KPNA3: variants seen among roughly 807,000 people sequenced by gnomAD.
The protein encoded by KPNA3 is importin subunit alpha-4.
Under a neutral mutation model 73.8 loss-of-function variants are expected in KPNA3, and 13 were observed. The observed-to-expected ratio is 0.18, with a 90% CI of 0.11 to 0.28. The LOEUF is 0.28. KPNA3 is among the 10% of genes least tolerant of loss of function. The pLI, the probability that KPNA3 is intolerant of heterozygous loss-of-function variation, is 1.00. For synonymous variants in KPNA3, 186 were observed against 206.9 expected (o/e 0.90, Z 0.87); for missense variants, 360 against 618.1 (o/e 0.58, Z 4.43).
At chr13:49,770,629 TTTC>T (rs1472473779) in intron 1 of KPNA3, among the ~76,000 whole-genome samples, 3 of 152,104 alleles carry the variant, frequency 2.0e-5, no homozygotes, top group African/African-American at 7.2e-5. Flanking sequence ...ACACAGATGT[TTTC>T]TTCTGAGAAG....
rs1053153815 is a variant in KPNA3 at position 49,772,378 on chromosome 13, T to G, written c.69+20060A>C. ...ACCATAATAAGACATCTCTACACAC[T>G]TGGTAAAATAATGAAAATTTAAAAG... On this transcript the variant is annotated intron_variant, in intron 1 of 16. Transcript: ENST00000261667. Among the ~76,000 whole-genome samples the G allele has an allele frequency of 5.3e-5, 8 of 152,160 alleles. No individual in the cohort carries two copies. In the East Asian group the frequency reaches 1.5e-3, roughly 29 times the overall value.
chr13:49,790,824 C>G (rs1346818807), intron 1 of KPNA3, among the ~76,000 whole-genome samples: 1 of 152,170 alleles, frequency 6.6e-6, no homozygotes, highest in Non-Finnish European at 1.5e-5. Context: ...GTACCAATAT[C>G]CGAGAGAAGA....
chr13:49,787,426 C>T (rs760664090), intron 1 of KPNA3, among the ~76,000 whole-genome samples: 1 of 152,210 alleles, frequency 6.6e-6, no homozygotes, highest in Admixed American at 6.5e-5. Flanking sequence ...AACTTTCAGG[C>T]GTGGTTTGTA....
At chr13:49,769,406 A>G (rs1005546886) in intron 1 of KPNA3, among the ~76,000 whole-genome samples, 1 of 152,162 alleles carries the variant, frequency 6.6e-6, no homozygotes, top group Non-Finnish European at 1.5e-5. Context: ...CATCACCACA[A>G]AAAGAAATCA....
intron 1 of KPNA3, among the ~76,000 whole-genome samples, chr13:49,783,108 T>C (rs1028413143): frequency 6.6e-6 from 1 of 152,036 alleles, no homozygotes; most frequent in Admixed American, 6.6e-5. Flanking sequence ...AGGCATCACT[T>C]ATGTAAAAGC....
At chr13:49,716,628 G>A (rs1176649630) in intron 10 of KPNA3, among the ~76,000 whole-genome samples, 2 of 151,858 alleles carry the variant, frequency 1.3e-5, no homozygotes, top group Non-Finnish European at 2.9e-5. Context: ...TAGTAGAGAC[G>A]GGGTTTTGCT....
chr13:49,756,956 C>T (rs541719611), intron 1 of KPNA3, among the ~76,000 whole-genome samples: 24 of 152,222 alleles, frequency 1.6e-4, no homozygotes, highest in African/African-American at 5.8e-4. Flanking sequence ...TGGAGGACAT[C>T]AATAGACTTT....
At chr13:49,739,209 C>A (rs9316474) in intron 2 of KPNA3, among the ~76,000 whole-genome samples, 128,570 of 152,136 alleles carry the variant, frequency 0.85, 54,570 homozygotes, top group East Asian at 1. Context: ...TCCAAATCTA[C>A]TGAAAATAAG....
chr13:49,747,484 A>C (rs939036494), intron 1 of KPNA3, among the ~76,000 whole-genome samples: 38 of 152,190 alleles, frequency 2.5e-4, no homozygotes, highest in African/African-American at 8.9e-4. Flanking sequence ...CAGGAGTTCG[A>C]GATCAGCCTG....
At chr13:49,741,696 C>T (rs922971291) in intron 2 of KPNA3, among the ~76,000 whole-genome samples, 11 of 152,152 alleles carry the variant, frequency 7.2e-5, no homozygotes, top group African/African-American at 2.4e-4. Flanking sequence ...CCTTGTGATC[C>T]GCCCGCCTCG....
chr13:49,760,255 C>CA (rs1954747819), intron 1 of KPNA3, among the ~76,000 whole-genome samples: 1 of 151,618 alleles, frequency 6.6e-6, no homozygotes, highest in African/African-American at 2.4e-5. Flanking sequence ...ACCAAAAATA[C>CA]AAAAAACAAC....
At chr13:49,773,903 T>A (rs1954875399) in intron 1 of KPNA3, among the ~76,000 whole-genome samples, 1 of 152,124 alleles carries the variant, frequency 6.6e-6, no homozygotes, top group Non-Finnish European at 1.5e-5. Context: ...ACCAATACTA[T>A]CCCATTCATA....
chr13:49,705,977 AAAT>A (rs1206095423), intron 14 of KPNA3, 118 bp downstream of exon 14: 4 of 1,083,114 alleles, frequency 3.7e-6, no homozygotes, highest in East Asian at 2.5e-5. Context: ...CCATCTCTTA[AAAT>A]AATAATAATT....
At chr13:49,742,210 GATTT>G (rs1254857391) in intron 2 of KPNA3, among the ~76,000 whole-genome samples, 3 of 152,042 alleles carry the variant, frequency 2.0e-5, no homozygotes, top group Non-Finnish European at 4.4e-5. Flanking sequence ...CAAATTTGTG[GATTT>G]ATTTCTGGTG....
At chr13:49,713,142 T>C (rs1594431576) in intron 10 of KPNA3, among the ~76,000 whole-genome samples, 1 of 152,068 alleles carries the variant, frequency 6.6e-6, no homozygotes. Context: ...TGTAACCCTG[T>C]TAAAAGACGA....
At position 49,701,444 on chromosome 13, in the gene KPNA3, C is replaced by G; in HGVS notation, c.*356G>C. 1 of 476,686 alleles carries G rather than the reference C, an allele frequency of 2.1e-6. No individual in the cohort carries two copies. The highest frequency in any genetic ancestry group is 6.7e-5 in the East Asian group (1 of 14,836). The allele number at this position is 476,686 out of a possible 1,614,324, so 29.5% of individuals were successfully genotyped here. On this transcript the variant is annotated 3_prime_UTR_variant, in exon 17 of 17. Coordinates refer to ENST00000261667, the MANE Select transcript of KPNA3 (RefSeq NM_002267.4). ...CAAAGTGTCTTGATCCACAGCGCAC[C>G]ATTTTCCAAAGGAGTATCAGTGGGC...
At chr13:49,734,023 TTGGAG>T (rs572073405) in intron 2 of KPNA3, among the ~76,000 whole-genome samples, 124 of 152,364 alleles carry the variant, frequency 8.1e-4, no homozygotes, top group Admixed American at 2.2e-3. Context: ...GCTACATAGT[TTGGAG>T]TGGTGTATTA....
chr13:49,762,052 C>T (rs926108162), intron 1 of KPNA3, among the ~76,000 whole-genome samples: 7 of 152,078 alleles, frequency 4.6e-5, no homozygotes, highest in Non-Finnish European at 1.5e-5. Context: ...GCAGCCGCCC[C>T]GTCTGGGAAG....
chr13:49,780,879 C>T (rs952094518), intron 1 of KPNA3, among the ~76,000 whole-genome samples: 1 of 151,942 alleles, frequency 6.6e-6, no homozygotes, highest in Admixed American at 6.6e-5. Flanking sequence ...CGCCACCACA[C>T]CCGGCTAATT....
Sources: gnomAD v4.1 joint callset for allele counts (sites outside exome capture counted in the v4.1 genomes callset) on GRCh38, gnomAD v4.1.1 for gene constraint, MANE v1.5 for transcripts, NCBI Gene and HGNC (gene_info 2026-07-23, HGNC 2026-07-21) for gene names.